SHISA9: variants seen among roughly 807,000 people sequenced by gnomAD.
SHISA9 encodes shisa family member 9.
In SHISA9, 13 loss-of-function variants were observed where a neutral mutation model predicts 38.0. The ratio of observed to expected loss-of-function variants is 0.34; its 90% CI spans 0.22 to 0.54. SHISA9 has a LOEUF of 0.54. Among genes scored for constraint, SHISA9 ranks in the 20% least tolerant of loss-of-function variants. The pLI, the probability that SHISA9 is intolerant of heterozygous loss-of-function variation, is 0.91. For missense variants in SHISA9, 538 were observed against 575.8 expected (o/e 0.93, Z 0.67); for synonymous variants, 275 against 242.0 (o/e 1.14, Z -1.27).
Position 12,970,460 on chromosome 16 carries a change from T to C in SHISA9, c.691+53645T>C, listed in dbSNP as rs1372646867. Among the ~76,000 whole-genome samples the C allele has an allele frequency of 1.2e-4, 9 of 76,910 alleles. No individual in the cohort carries two copies. In the East Asian group the frequency reaches 3.3e-3, roughly 28 times the overall value. 50.5% of individuals were successfully genotyped at this position (76,910 alleles called of 152,430 possible). On this transcript the variant is annotated intron_variant, in intron 2 of 4. Transcript: ENST00000558583. The stretch of plus-strand genomic sequence containing the variant: ...ATATACACACATATATATATACATA[T>C]ATGTGTGTGTATATATATATATATA...
At chr16:13,057,208 C>T (rs759269451) in intron 2 of SHISA9, among the ~76,000 whole-genome samples, 6 of 152,192 alleles carry the variant, frequency 3.9e-5, no homozygotes, top group African/African-American at 4.8e-5. Flanking sequence ...CTCCAGGGAG[C>T]CGAACAATAG....
At chr16:12,983,778 G>A (rs185343085) in intron 2 of SHISA9, among the ~76,000 whole-genome samples, 91 of 152,244 alleles carry the variant, frequency 6.0e-4, no homozygotes, top group Non-Finnish European at 1.2e-3. Flanking sequence ...GTGAGCCACC[G>A]TGCCCGGCCC....
chr16:13,110,717 G>C (rs1485336891), intron 2 of SHISA9, among the ~76,000 whole-genome samples: 1 of 152,230 alleles, frequency 6.6e-6, no homozygotes, highest in Non-Finnish European at 1.5e-5. Flanking sequence ...GTCTGTGATT[G>C]TAGAGTGACA....
chr16:13,538,074 G>A, the SHISA9 span, among the ~76,000 whole-genome samples: 5 of 152,066 alleles, frequency 3.3e-5, no homozygotes, highest in African/African-American at 1.2e-4. Flanking sequence ...TGAGTTTAGG[G>A]TTCTTCAAAC....
At chr16:13,265,707 T>G in the SHISA9 span, among the ~76,000 whole-genome samples, 1 of 151,928 alleles carries the variant, frequency 6.6e-6, no homozygotes, top group African/African-American at 2.4e-5. Context: ...CCATGTGATA[T>G]ATGCTGAGGA....
chr16:13,510,484 A>C, the SHISA9 span, among the ~76,000 whole-genome samples: 4 of 152,188 alleles, frequency 2.6e-5, no homozygotes, highest in Non-Finnish European at 5.9e-5. Flanking sequence ...CATCCATAAT[A>C]ATTCATTCAT....
intron 1 of SHISA9, 36 bp from the exon 2 acceptor site, chr16:12,916,652 T>G (rs1480036646): frequency 6.5e-7 from 1 of 1,541,158 alleles, no homozygotes; most frequent in African/African-American, 1.4e-5. Context: ...GTCATTGTGT[T>G]TTGAATGAAC....
Position 12,955,699 on chromosome 16 carries a change from G to A in SHISA9, c.691+38884G>A, listed in dbSNP as rs549671768. 1.3e-4 allele frequency among the ~76,000 whole-genome samples: 19 copies of A among 150,088 alleles called. No individual in the cohort carries two copies. In the South Asian group the frequency reaches 4.0e-3, roughly 31 times the overall value. ...TAAATGGTACTGGGAGAATTGGCTA[G>A]CCATATGCAGAAAAATAAAACTGAC... On this transcript the variant is annotated intron_variant, in intron 2 of 4. Coordinates refer to ENST00000558583, the MANE Select transcript of SHISA9 (RefSeq NM_001145204.3).
At chr16:13,264,816 T>C in the SHISA9 span, among the ~76,000 whole-genome samples, 3 of 152,198 alleles carry the variant, frequency 2.0e-5, no homozygotes, top group African/African-American at 7.2e-5. Flanking sequence ...AATCTTTGTC[T>C]TCCCAAAGAG....
the SHISA9 span, among the ~76,000 whole-genome samples, chr16:13,397,481 G>A: frequency 8.5e-5 from 13 of 152,290 alleles, no homozygotes; most frequent in African/African-American, 3.1e-4. Context: ...CCCCGCTGGG[G>A]TGCAGTACAG....
the SHISA9 span, among the ~76,000 whole-genome samples, chr16:13,373,793 A>G: frequency 6.6e-6 from 1 of 151,444 alleles, no homozygotes. Context: ...GGGAGTGACG[A>G]TAGTGCCACC....
At chr16:13,326,904 C>A in the SHISA9 span, among the ~76,000 whole-genome samples, 1 of 152,040 alleles carries the variant, frequency 6.6e-6, no homozygotes, top group Non-Finnish European at 1.5e-5. Context: ...CCTCTCTGTG[C>A]CTTATTATCA....
the SHISA9 span, among the ~76,000 whole-genome samples, chr16:13,341,234 ACC>A: frequency 6.6e-6 from 1 of 152,082 alleles, no homozygotes; most frequent in Admixed American, 6.5e-5. Flanking sequence ...AAGTCCACAA[ACC>A]ACTGCTGCTG....
chr16:12,977,462 C>T (rs1476724012), intron 2 of SHISA9, among the ~76,000 whole-genome samples: 1 of 152,166 alleles, frequency 6.6e-6, no homozygotes, highest in Admixed American at 6.5e-5. Flanking sequence ...AATCCCATTA[C>T]TGGGTATATA....
chr16:13,203,316 C>T, intron 2 of SHISA9, 78 bp from the exon 3 acceptor site: 1 of 1,340,048 alleles, frequency 7.5e-7, no homozygotes, highest in Non-Finnish European at 9.7e-7. Context: ...TTTTGGTCTC[C>T]AGTGATGTGG....
the SHISA9 span, among the ~76,000 whole-genome samples, chr16:13,383,935 G>A: frequency 1.3e-3 from 196 of 152,166 alleles, no homozygotes; most frequent in Non-Finnish European, 1.6e-3. Context: ...GATTACAGAC[G>A]TGAGCCACCG....
the SHISA9 span, among the ~76,000 whole-genome samples, chr16:13,419,466 A>T: frequency 2.6e-5 from 4 of 152,242 alleles, no homozygotes; most frequent in African/African-American, 9.6e-5. Flanking sequence ...ACAACTCATA[A>T]GAACAACTAT....
At chr16:13,556,892 A>G in the SHISA9 span, among the ~76,000 whole-genome samples, 1 of 152,250 alleles carries the variant, frequency 6.6e-6, no homozygotes, top group Non-Finnish European at 1.5e-5. Context: ...GATGATTTAA[A>G]GTATATGGAA....
the SHISA9 span, among the ~76,000 whole-genome samples, chr16:13,332,940 G>A: frequency 6.6e-6 from 1 of 152,158 alleles, no homozygotes; most frequent in South Asian, 2.1e-4. Context: ...GCTGCTGCCG[G>A]AGCTGGTCTG....
Sources: gnomAD v4.1 joint callset for allele counts (sites outside exome capture counted in the v4.1 genomes callset) on GRCh38, gnomAD v4.1.1 for gene constraint, MANE v1.5 for transcripts, NCBI Gene and HGNC (gene_info 2026-07-23, HGNC 2026-07-21) for gene names.